The following CNTNAP2 variants were observed in gnomAD, a reference collection of about 807,000 sequenced individuals.
The protein encoded by CNTNAP2 is contactin associated protein 2, also known as contactin-associated protein-like 2.
In CNTNAP2, 98 loss-of-function variants were observed where a neutral mutation model predicts 155.2. The observed-to-expected ratio is 0.63, with a 90% CI of 0.54 to 0.75. The LOEUF (loss-of-function observed/expected upper bound fraction) is 0.75, where lower values mean the gene tolerates loss of function less well. Ranked by LOEUF, CNTNAP2 falls within the 30% of genes least tolerant of loss-of-function variation. CNTNAP2 has a pLI of 0.00. For synonymous variants in CNTNAP2, 651 were observed against 631.2 expected (o/e 1.03, Z -0.47); for missense variants, 1,727 against 1,688.1 (o/e 1.02, Z -0.40).
At chr7:147,457,514 A>G (rs1457778592) in intron 10 of CNTNAP2, among the ~76,000 whole-genome samples, 1 of 115,694 alleles carries the variant, frequency 8.6e-6, no homozygotes, top group African/African-American at 3.3e-5. Flanking sequence ...TATTTAGTTC[A>G]TAATTTATCT....
intron 4 of CNTNAP2, among the ~76,000 whole-genome samples, chr7:147,064,582 C>T (rs10257261): frequency 1.3e-5 from 2 of 151,950 alleles, no homozygotes; most frequent in African/African-American, 4.8e-5. Flanking sequence ...GCACACACAC[C>T]GCCTTTCTTT....
chr7:147,778,846 G>A (rs1236308284), intron 13 of CNTNAP2, among the ~76,000 whole-genome samples: 3 of 152,058 alleles, frequency 2.0e-5, no homozygotes, highest in Non-Finnish European at 4.4e-5. Flanking sequence ...CAAAGGAGCT[G>A]CTATATCTTT....
intron 2 of CNTNAP2, among the ~76,000 whole-genome samples, chr7:146,821,535 A>G (rs938074963): frequency 2.0e-5 from 3 of 152,134 alleles, no homozygotes; most frequent in Non-Finnish European, 4.4e-5. Flanking sequence ...TGAACAGGCA[A>G]CCTACGAAAT....
At chr7:147,181,211 G>T (rs1022199966) in intron 8 of CNTNAP2, among the ~76,000 whole-genome samples, 5 of 152,074 alleles carry the variant, frequency 3.3e-5, no homozygotes, top group Non-Finnish European at 5.9e-5. Context: ...ACAGCAGGTG[G>T]CCCAGAGAGA....
At chr7:148,232,025 T>C (rs895671037) in intron 20 of CNTNAP2, among the ~76,000 whole-genome samples, 25 of 152,222 alleles carry the variant, frequency 1.6e-4, no homozygotes, top group African/African-American at 3.6e-4. Flanking sequence ...CCTCCTTCTC[T>C]GTCATGTAAT....
intron 10 of CNTNAP2, among the ~76,000 whole-genome samples, chr7:147,472,632 G>A (rs1798245583): frequency 6.6e-6 from 1 of 152,176 alleles, no homozygotes; most frequent in Non-Finnish European, 1.5e-5. Flanking sequence ...GCAAAATGGG[G>A]TGGGTGGGGT....
At chr7:146,455,590 A>C (rs1796543963) in intron 1 of CNTNAP2, among the ~76,000 whole-genome samples, 1 of 152,216 alleles carries the variant, frequency 6.6e-6, no homozygotes, top group African/African-American at 2.4e-5. Context: ...ACCTTCTCTC[A>C]TTCTATACAT....
At chr7:146,829,839 C>T (rs558864330) in intron 2 of CNTNAP2, among the ~76,000 whole-genome samples, 17 of 152,108 alleles carry the variant, frequency 1.1e-4, no homozygotes, top group African/African-American at 4.1e-4. Flanking sequence ...TTCTTGAACA[C>T]CCTTAGTTTT....
At chr7:148,078,623 G>A (rs1045958180) in intron 15 of CNTNAP2, among the ~76,000 whole-genome samples, 1 of 152,056 alleles carries the variant, frequency 6.6e-6, no homozygotes. Context: ...TGGGATTACA[G>A]GTGCCCACCA....
chr7:148,280,956 G>A (rs781041013), intron 21 of CNTNAP2, among the ~76,000 whole-genome samples: 10 of 151,816 alleles, frequency 6.6e-5, no homozygotes, highest in Non-Finnish European at 1.2e-4. Context: ...AGCAATAAAA[G>A]TAAAAGAAGA....
intron 13 of CNTNAP2, among the ~76,000 whole-genome samples, chr7:147,759,287 A>T (rs149244065): frequency 7.9e-5 from 12 of 152,184 alleles, no homozygotes; most frequent in Non-Finnish European, 1.6e-4. Flanking sequence ...GTTTCTCCAG[A>T]CAACTCAAAA....
chr7:146,907,419 A>G lies in CNTNAP2; in HGVS notation c.402+67515A>G, dbSNP rs530840085. ...CAGAGAGAAAGGTCAGGTTACCCTCAAAGGGAAGCCCATCAGACTAACAGC... is the reference window on the plus strand; with the variant it reads ...CAGAGAGAAAGGTCAGGTTACCCTCGAAGGGAAGCCCATCAGACTAACAGC... On this transcript the variant is annotated intron_variant, in intron 3 of 23. Transcript: ENST00000361727. Among the ~76,000 whole-genome samples, 549 of 148,134 alleles carry G rather than the reference A, an allele frequency of 3.7e-3. 7 individuals are homozygous for G. Among genetic ancestry groups the G allele is most frequent in the African/African-American group, 0.013 (505 of 39,820 alleles).
intron 1 of CNTNAP2, among the ~76,000 whole-genome samples, chr7:146,118,760 T>A (rs1797522129): frequency 6.6e-6 from 1 of 152,164 alleles, no homozygotes; most frequent in Non-Finnish European, 1.5e-5. Flanking sequence ...ATAGTTAGAA[T>A]TTGAAGACAG....
chr7:146,850,301 T>C (rs1308983872), intron 3 of CNTNAP2, among the ~76,000 whole-genome samples: 1 of 152,208 alleles, frequency 6.6e-6, no homozygotes, highest in African/African-American at 2.4e-5. Flanking sequence ...CCGATGAACT[T>C]CACCAATATA....
intron 1 of CNTNAP2, among the ~76,000 whole-genome samples, chr7:146,302,937 G>A (rs1354505260): frequency 2.6e-5 from 4 of 152,142 alleles, no homozygotes; most frequent in African/African-American, 9.7e-5. Context: ...AGAGTTACCA[G>A]TTTTCTGTAG....
chr7:146,982,993 A>C (rs979951390), intron 3 of CNTNAP2, among the ~76,000 whole-genome samples: 1 of 152,220 alleles, frequency 6.6e-6, no homozygotes, highest in South Asian at 2.1e-4. Flanking sequence ...CCAATGGCTT[A>C]ATTCAGATTC....
intron 3 of CNTNAP2, among the ~76,000 whole-genome samples, chr7:147,002,357 G>A (rs73465233): frequency 0.064 from 9,663 of 151,978 alleles, 744 homozygotes; most frequent in African/African-American, 0.18. Flanking sequence ...ACAAAGGATC[G>A]AAACTCAAAA....
At chr7:147,389,426 AT>A (rs1796673276) in intron 9 of CNTNAP2, among the ~76,000 whole-genome samples, 7 of 152,234 alleles carry the variant, frequency 4.6e-5, no homozygotes, top group African/African-American at 1.7e-4. Flanking sequence ...TTTCTGTCCC[AT>A]CAGATGAACA....
chr7:146,917,024 TATC>T (rs1254416179), intron 3 of CNTNAP2, among the ~76,000 whole-genome samples: 3 of 152,196 alleles, frequency 2.0e-5, no homozygotes, highest in African/African-American at 7.2e-5. Flanking sequence ...GTGTCACTAT[TATC>T]ATTCAGTTCA....
Sources: allele counts gnomAD v4.1 joint callset (sites outside exome capture counted in the v4.1 genomes callset), GRCh38; gene constraint gnomAD v4.1.1; transcripts MANE v1.5; gene names NCBI Gene and HGNC (gene_info 2026-07-23, HGNC 2026-07-21).